The following LIPH variants were observed in gnomAD, a reference collection of about 807,000 sequenced individuals.
LIPH encodes the protein lipase H, also known as lipase member H.
LIPH carries 32 observed loss-of-function variants against 47.6 expected under a neutral mutation model. The observed-to-expected ratio is 0.67, with a 90% CI of 0.51 to 0.90. The LOEUF (loss-of-function observed/expected upper bound fraction) is 0.90. LIPH is among the 40% of genes least tolerant of loss of function. The probability of loss-of-function intolerance (pLI) is 0.00; values close to 1 mark genes in which losing one functional copy is unlikely to be tolerated. For missense variants in LIPH, 497 were observed against 541.4 expected (o/e 0.92, Z 0.81); for synonymous variants, 190 against 195.6 (o/e 0.97, Z 0.24).
chr3:185,525,088 G>A (rs1420303242), intron 4 of LIPH, among the ~76,000 whole-genome samples: 1 of 151,948 alleles, frequency 6.6e-6, no homozygotes, highest in African/African-American at 2.4e-5. Context: ...TGTGGTGTGT[G>A]CCTGTAGTCC....
intron 5 of LIPH, among the ~76,000 whole-genome samples, chr3:185,522,006 T>C (rs1034609829): frequency 3.9e-5 from 6 of 152,190 alleles, no homozygotes; most frequent in Admixed American, 2.0e-4. Flanking sequence ...ATTGTACTTA[T>C]AACTGCTGAA....
At position 185,508,682 on chromosome 3, in the gene LIPH, G is replaced by GT. The variant is rs1719458480; in HGVS notation, c.*107dup. On this transcript the variant is annotated 3_prime_UTR_variant, in exon 10 of 10. Transcript: ENST00000296252. The stretch of plus-strand genomic sequence containing the variant: ...TAGGACGCTACTGAAAAAAGCCTTG[G>GT]TTTTTTTCATACTTTTTCTGCCTTG... The GT allele has an allele frequency of 8.4e-6, 7 of 829,338 alleles. No individual in the cohort carries two copies. Among genetic ancestry groups the GT allele is most frequent in the Admixed American group, 7.7e-5 (4 of 51,736 alleles). 51.4% of individuals were successfully genotyped at this position (829,338 alleles called of 1,614,324 possible). A position where few individuals can be genotyped will look rare whatever the true frequency, so the allele number is the denominator to read the frequency against.
intron 1 of LIPH, among the ~76,000 whole-genome samples, chr3:185,544,759 TA>T (rs1720817945): frequency 6.6e-6 from 1 of 152,200 alleles, no homozygotes; most frequent in South Asian, 2.1e-4. Flanking sequence ...AGCTCCAGGA[TA>T]ATTCATCTGT....
intron 7 of LIPH, among the ~76,000 whole-genome samples, chr3:185,515,320 G>A (rs965635957): frequency 1.3e-5 from 2 of 150,388 alleles, no homozygotes; most frequent in Admixed American, 6.6e-5. Context: ...AAAAAAAAAA[G>A]ATAAAATTAA....
intron 1 of LIPH, among the ~76,000 whole-genome samples, chr3:185,548,177 C>T (rs548015180): frequency 1.3e-4 from 19 of 151,980 alleles, no homozygotes; most frequent in South Asian, 4.2e-4. Flanking sequence ...GAGGCCGAGG[C>T]GGGCGAATCA....
rs199726918 is a variant in LIPH, at chr3:185,534,772, T to C, written c.410A>G (p.Gln137Arg). 1.2e-6 allele frequency: 2 copies of C among 1,613,612 alleles called. No individual in the cohort carries two copies. Among genetic ancestry groups the C allele is most frequent in the African/African-American group, 1.3e-5 (1 of 75,054 alleles). The change falls in exon 2 of 10, where the codon CAG becomes CGG. Residue 137 changes from glutamine to arginine, a missense_variant. By Grantham distance (43) the Gln-to-Arg change is conservative. Coordinates refer to ENST00000296252, the MANE Select transcript of LIPH (RefSeq NM_139248.3). ...CTAAGAGAATTCTCTTACCAACATCTGGTCAATAAATTCCTTCAAGACCAT... is the reference window on the plus strand; with the variant it reads ...CTAAGAGAATTCTCTTACCAACATCCGGTCAATAAATTCCTTCAAGACCAT... ...VAMVLKEFIDQMLAEGASLDD... is the reference protein window; with the variant it reads ...VAMVLKEFIDRMLAEGASLDD...
At chr3:185,534,675 C>A in intron 2 of LIPH, 90 bp downstream of exon 2, 1 of 1,372,422 alleles carries the variant, frequency 7.3e-7, no homozygotes, top group South Asian at 1.2e-5. Context: ...TATAGGCCTC[C>A]TGCTCACTGT....
intron 3 of LIPH, among the ~76,000 whole-genome samples, chr3:185,532,324 C>A (rs1389718891): frequency 6.6e-6 from 1 of 151,824 alleles, no homozygotes; most frequent in Non-Finnish European, 1.5e-5. Flanking sequence ...CCAGCCTGGG[C>A]AACATGGTAA....
At chr3:185,549,370 G>A (rs543244454) in intron 1 of LIPH, among the ~76,000 whole-genome samples, 2 of 152,142 alleles carry the variant, frequency 1.3e-5, no homozygotes, top group Non-Finnish European at 2.9e-5. Context: ...CAACTTGTTA[G>A]AGAAAGATGA....
chr3:185,535,514 A>T (rs1374781103), intron 1 of LIPH, among the ~76,000 whole-genome samples: 1 of 151,066 alleles, frequency 6.6e-6, no homozygotes, highest in Admixed American at 6.6e-5. Flanking sequence ...TTTTGACCTC[A>T]AGTGATCCAC....
intron 1 of LIPH, among the ~76,000 whole-genome samples, chr3:185,537,706 C>A (rs574923911): frequency 6.6e-6 from 1 of 152,266 alleles, no homozygotes. Context: ...CACTTGCCGC[C>A]TATCTGCCCA....
intron 4 of LIPH, among the ~76,000 whole-genome samples, chr3:185,526,350 G>C (rs560767303): frequency 6.6e-6 from 1 of 151,928 alleles, no homozygotes; most frequent in African/African-American, 2.4e-5. Context: ...GTGAAACCCT[G>C]TCTCTAGTAA....
At chr3:185,539,527 C>T (rs527243945) in intron 1 of LIPH, among the ~76,000 whole-genome samples, 10 of 150,658 alleles carry the variant, frequency 6.6e-5, no homozygotes, top group African/African-American at 9.8e-5. Flanking sequence ...CCCGCCACCA[C>T]GCTAAGCTAA....
At chr3:185,535,351 A>G (rs184509574) in intron 1 of LIPH, among the ~76,000 whole-genome samples, 41 of 152,256 alleles carry the variant, frequency 2.7e-4, no homozygotes, top group African/African-American at 9.4e-4. Context: ...ATATCAGCTC[A>G]CTATAACTTC....
At chr3:185,528,279 A>G (rs1269697238) in intron 3 of LIPH, among the ~76,000 whole-genome samples, 1 of 136,318 alleles carries the variant, frequency 7.3e-6, no homozygotes, top group Non-Finnish European at 1.6e-5. Flanking sequence ...AGCAGATGCT[A>G]TACTCATCTT....
intron 8 of LIPH, among the ~76,000 whole-genome samples, chr3:185,512,264 A>T (rs1719590075): frequency 6.6e-6 from 1 of 151,826 alleles, no homozygotes; most frequent in Non-Finnish European, 1.5e-5. Flanking sequence ...TGTAGCATGT[A>T]TTTTTTTTAG....
At chr3:185,548,792 T>C (rs1720964729) in intron 1 of LIPH, among the ~76,000 whole-genome samples, 1 of 151,324 alleles carries the variant, frequency 6.6e-6, no homozygotes, top group African/African-American at 2.4e-5. Flanking sequence ...AACCGCATCC[T>C]GAGCCAGGCT....
intron 1 of LIPH, 81 bp from the exon 2 acceptor site, chr3:185,535,213 G>T: frequency 6.5e-7 from 1 of 1,527,356 alleles, no homozygotes; most frequent in Admixed American, 1.7e-5. Context: ...TATATTTGTA[G>T]GAGTTCTTCT....
rs74914564 is a variant in LIPH, at chr3:185,531,149, A to C, written c.526+2422T>G. 1.0e-3 allele frequency among the ~76,000 whole-genome samples: 155 copies of C among 152,308 alleles called. 2 individuals carry two copies. In the East Asian group the frequency reaches 0.028, roughly 27 times the overall value. Reference sequence around the variant, plus strand: ...GTGAGCGGATAGATACGGAGCCCCAAACCTAGCGCTAACCAGCTGTGTGCC... The same window carrying C: ...GTGAGCGGATAGATACGGAGCCCCACACCTAGCGCTAACCAGCTGTGTGCC... On this transcript the variant is annotated intron_variant, in intron 3 of 9. Transcript: ENST00000296252.
Sources: allele counts gnomAD v4.1 joint callset (sites outside exome capture counted in the v4.1 genomes callset), GRCh38; gene constraint gnomAD v4.1.1; transcripts MANE v1.5; gene names NCBI Gene and HGNC (gene_info 2026-07-23, HGNC 2026-07-21).